Variants in BLTP1 observed in about 807,000 individuals in gnomAD.
BLTP1 encodes the protein bridge-like lipid transfer protein family member 1.
the BLTP1 span, chr4:122,288,716 C>CTA: frequency 1.9e-6 from 1 of 514,792 alleles, no homozygotes; most frequent in Non-Finnish European, 2.5e-6. Flanking sequence ...CTTAACTCGT[C>CTA]TATGATTCTA....
At chr4:122,358,620 G>A in the BLTP1 span, among the ~76,000 whole-genome samples, 2 of 152,118 alleles carry the variant, frequency 1.3e-5, no homozygotes, top group East Asian at 1.9e-4. Flanking sequence ...CCCAGCAACT[G>A]AGCAGGCCTT....
At chr4:122,260,049 T>C in the BLTP1 span, 1 of 370,362 alleles carries the variant, frequency 2.7e-6, no homozygotes, top group African/African-American at 2.2e-5. Context: ...CAATTTGTCA[T>C]TGTGTAAACA....
At chr4:122,157,814 GT>G in the BLTP1 span, among the ~76,000 whole-genome samples, 2 of 152,094 alleles carry the variant, frequency 1.3e-5, no homozygotes, top group Non-Finnish European at 2.9e-5. Flanking sequence ...AATATTCTTG[GT>G]TCACAGGAAT....
At chr4:122,247,055 G>T in the BLTP1 span, 1 of 1,386,908 alleles carries the variant, frequency 7.2e-7, no homozygotes, top group Non-Finnish European at 9.7e-7. Flanking sequence ...GTGTATAATA[G>T]TAGAGTGTTT....
At chr4:122,315,978 A>T in the BLTP1 span, among the ~76,000 whole-genome samples, 1 of 152,166 alleles carries the variant, frequency 6.6e-6, no homozygotes, top group Non-Finnish European at 1.5e-5. Context: ...GCTAACAGGT[A>T]TGAGGTTTCT....
At chr4:122,152,822 A>G in the BLTP1 span, 2 of 368,442 alleles carry the variant, frequency 5.4e-6, no homozygotes, top group East Asian at 1.6e-4. Flanking sequence ...GGGGACTTTG[A>G]TACAGGAGCA....
At chr4:122,228,321 T>C in the BLTP1 span, among the ~76,000 whole-genome samples, 1 of 152,216 alleles carries the variant, frequency 6.6e-6, no homozygotes, top group Non-Finnish European at 1.5e-5. Context: ...TGTATATACC[T>C]GTGTAACTAT....
the BLTP1 span, chr4:122,343,589 A>G: frequency 1.2e-6 from 2 of 1,613,972 alleles, no homozygotes; most frequent in Admixed American, 1.7e-5. Flanking sequence ...TTCTGGCCTC[A>G]CACCTGGATC....
At chr4:122,168,778 G>A in the BLTP1 span, among the ~76,000 whole-genome samples, 4 of 151,936 alleles carry the variant, frequency 2.6e-5, no homozygotes, top group Admixed American at 6.6e-5. Context: ...TAGCTCCTGC[G>A]TTTAGGTTTT....
chr4:122,258,224 T>C, the BLTP1 span, among the ~76,000 whole-genome samples: 5 of 152,198 alleles, frequency 3.3e-5, no homozygotes, highest in African/African-American at 9.7e-5. Context: ...GAAAAAAATA[T>C]TGAAAGAGTA....
chr4:122,209,298 A>G, the BLTP1 span: 6 of 1,612,956 alleles, frequency 3.7e-6, no homozygotes, highest in Non-Finnish European at 5.1e-6. Context: ...AGTGGCCAGA[A>G]AACAGTTAAA....
the BLTP1 span, among the ~76,000 whole-genome samples, chr4:122,337,653 T>C: frequency 1.3e-5 from 2 of 151,896 alleles, no homozygotes; most frequent in African/African-American, 4.8e-5. Context: ...TGCCTTTATT[T>C]TGGCACCTTA....
chr4:122,229,789 T>C, the BLTP1 span: 2 of 1,355,512 alleles, frequency 1.5e-6, no homozygotes, highest in Non-Finnish European at 1.9e-6. Context: ...CATTTTTTCC[T>C]TTTTTATTTC....
At chr4:122,224,596 T>G in the BLTP1 span, 1 of 1,613,882 alleles carries the variant, frequency 6.2e-7, no homozygotes, top group Non-Finnish European at 8.5e-7. Flanking sequence ...AAGGTCTTCC[T>G]TTGGGAAGCG....
the BLTP1 span, chr4:122,175,177 CT>C: frequency 1.0e-6 from 1 of 984,630 alleles, no homozygotes; most frequent in Non-Finnish European, 1.2e-6. Context: ...AAATTTGTGA[CT>C]TAGGTAGAAT....
chr4:122,229,900 CT>C, the BLTP1 span: 6 of 1,583,552 alleles, frequency 3.8e-6, no homozygotes, highest in Non-Finnish European at 4.3e-6. Context: ...AGAAATTACA[CT>C]TTTGTTTCAT....
the BLTP1 span, chr4:122,170,863 G>A: frequency 1.5e-4 from 88 of 593,034 alleles, no homozygotes; most frequent in African/African-American, 1.3e-3. Context: ...TTTATTTTTA[G>A]GAAGGAAGAT....
the BLTP1 span, chr4:122,226,760 G>T: frequency 4.0e-5 from 65 of 1,613,270 alleles, no homozygotes; most frequent in East Asian, 1.4e-3. Context: ...TGGTATGTCG[G>T]GAGTATGAAC....
At chr4:122,293,048 T>G in the BLTP1 span, 1 of 933,510 alleles carries the variant, frequency 1.1e-6, no homozygotes, top group African/African-American at 1.8e-5. Flanking sequence ...GCTAATACTT[T>G]TCAGAAAAAT....
Sources: gnomAD v4.1 joint callset for allele counts (sites outside exome capture counted in the v4.1 genomes callset) on GRCh38, gnomAD v4.1.1 for gene constraint, MANE v1.5 for transcripts, NCBI Gene and HGNC (gene_info 2026-07-23, HGNC 2026-07-21) for gene names.